CSMD3: variants seen among roughly 807,000 people sequenced by gnomAD.
The protein encoded by CSMD3 is CUB and sushi domain-containing protein 3.
In CSMD3, 177 loss-of-function variants were observed where a neutral mutation model predicts 435.2. The observed-to-expected ratio is 0.41, with a 90% CI of 0.36 to 0.46. CSMD3 has a LOEUF of 0.46. Ranked by LOEUF, CSMD3 falls within the 20% of genes least tolerant of loss-of-function variation. The pLI, the probability that CSMD3 is intolerant of heterozygous loss-of-function variation, is 0.34. For missense variants in CSMD3, 4,265 were observed against 4,504.6 expected, an observed-to-expected ratio of 0.95 and a Z score of 1.52; for synonymous variants, 1,656 against 1,520.5, an observed-to-expected ratio of 1.09 and a Z score of -2.07.
At chr8:112,584,415 G>C (rs1197675460) in intron 23 of CSMD3, among the ~76,000 whole-genome samples, 2 of 151,700 alleles carry the variant, frequency 1.3e-5, no homozygotes, top group African/African-American at 2.4e-5. Context: ...TTTAAATAAA[G>C]TTGTTTATAG....
intron 5 of CSMD3, among the ~76,000 whole-genome samples, chr8:113,041,833 T>C (rs1298810602): frequency 2.0e-5 from 3 of 152,180 alleles, no homozygotes; most frequent in African/African-American, 7.2e-5. Flanking sequence ...TTGCTTCTGT[T>C]TTATACATTA....
chr8:113,409,282 A>G (rs990486062), intron 1 of CSMD3, among the ~76,000 whole-genome samples: 99 of 151,284 alleles, frequency 6.5e-4, no homozygotes, highest in Admixed American at 1.3e-3. Flanking sequence ...ACAGGGTTTC[A>G]CCATGTTGGT....
chr8:112,333,021 T>C (rs1464969378), intron 45 of CSMD3, among the ~76,000 whole-genome samples: 1 of 152,202 alleles, frequency 6.6e-6, no homozygotes, highest in Non-Finnish European at 1.5e-5. Flanking sequence ...AAATTATACA[T>C]ATATAATATG....
intron 10 of CSMD3, among the ~76,000 whole-genome samples, chr8:112,897,539 A>T (rs1465772684): frequency 6.6e-6 from 1 of 150,802 alleles, no homozygotes; most frequent in African/African-American, 2.4e-5. Context: ...GCTGATAAAG[A>T]ACTCAGAAAA....
At chr8:112,385,997 A>G (rs1829913168) in intron 36 of CSMD3, among the ~76,000 whole-genome samples, 2 of 152,122 alleles carry the variant, frequency 1.3e-5, no homozygotes, top group South Asian at 4.1e-4. Flanking sequence ...GAGAAAGGGG[A>G]AAAGAGGCCA....
chr8:112,278,559 T>C (rs1463207499), intron 59 of CSMD3, among the ~76,000 whole-genome samples: 1 of 152,074 alleles, frequency 6.6e-6, no homozygotes, highest in African/African-American at 2.4e-5. Context: ...TCTATGACTA[T>C]TGGTTATGTG....
intron 32 of CSMD3, among the ~76,000 whole-genome samples, chr8:112,437,885 T>G (rs991024835): frequency 6.6e-6 from 1 of 152,092 alleles, no homozygotes; most frequent in Admixed American, 6.6e-5. Flanking sequence ...ACGTCAGCGA[T>G]GTCTCTCTCC....
intron 13 of CSMD3, among the ~76,000 whole-genome samples, chr8:112,709,583 AAG>A (rs1351879333): frequency 1.3e-5 from 2 of 152,100 alleles, no homozygotes; most frequent in Non-Finnish European, 1.5e-5. Context: ...TGAGAAAGAA[AAG>A]AGTTTTATAA....
At chr8:112,275,925 C>T (rs1817995586) in intron 59 of CSMD3, among the ~76,000 whole-genome samples, 1 of 152,190 alleles carries the variant, frequency 6.6e-6, no homozygotes, top group African/African-American at 2.4e-5. Flanking sequence ...ATCATGCCTT[C>T]CCAATAGTTC....
At chr8:113,035,942 C>A (rs1329418116) in intron 5 of CSMD3, among the ~76,000 whole-genome samples, 1 of 151,932 alleles carries the variant, frequency 6.6e-6, no homozygotes, top group Non-Finnish European at 1.5e-5. Flanking sequence ...CCCATAATTG[C>A]ATTCTCAATA....
intron 30 of CSMD3, among the ~76,000 whole-genome samples, chr8:112,496,025 A>C (rs1193232454): frequency 6.6e-6 from 1 of 152,112 alleles, no homozygotes; most frequent in Non-Finnish European, 1.5e-5. Context: ...GCTGGAGTGT[A>C]GTGGTGCGAT....
chr8:112,610,197 T>C (rs1465232541), intron 22 of CSMD3, among the ~76,000 whole-genome samples: 1 of 152,140 alleles, frequency 6.6e-6, no homozygotes, highest in Admixed American at 6.6e-5. Flanking sequence ...AGTGTAACTA[T>C]GTGAGGGGAT....
At chr8:112,585,969 T>G (rs75542559) in intron 23 of CSMD3, among the ~76,000 whole-genome samples, 2,959 of 151,746 alleles carry the variant, frequency 0.019, 37 homozygotes, top group Non-Finnish European at 0.03. Context: ...TAGTGAATTT[T>G]GTTGCCAGTT....
In CSMD3 at chr8:113,289,928, C is replaced by CACCCACT. The variant is rs917172468; in HGVS notation, c.402-11231_402-11225dup. 4.6e-5 allele frequency among the ~76,000 whole-genome samples: 7 copies of CACCCACT among 151,758 alleles called. 1 individual carries two copies. ...TTCCCAGAAAGGTAATATTAATTAG[C>CACCCACT]ACCCACTCTCGGTTTTAGCAAAACA... On this transcript the variant is annotated intron_variant, in intron 2 of 70. Transcript: ENST00000297405.
chr8:113,425,211 C>T (rs1476493155), intron 1 of CSMD3, among the ~76,000 whole-genome samples: 1 of 151,254 alleles, frequency 6.6e-6, no homozygotes, highest in Admixed American at 6.6e-5. Context: ...TATGTCAATC[C>T]CATAATATTC....
chr8:113,193,308 T>C (rs572309311), intron 3 of CSMD3, among the ~76,000 whole-genome samples: 1 of 151,510 alleles, frequency 6.6e-6, no homozygotes, highest in South Asian at 2.1e-4. Context: ...CCTAGTTGCA[T>C]GTTTTTGGTC....
intron 1 of CSMD3, among the ~76,000 whole-genome samples, chr8:113,391,499 A>G (rs1473916722): frequency 6.6e-6 from 1 of 152,172 alleles, no homozygotes; most frequent in East Asian, 1.9e-4. Flanking sequence ...CATAACTGTG[A>G]CAATGCATAG....
chr8:113,378,392 G>A (rs920018687), intron 1 of CSMD3, among the ~76,000 whole-genome samples: 1 of 152,150 alleles, frequency 6.6e-6, no homozygotes, highest in Non-Finnish European at 1.5e-5. Context: ...CTTGTTTAGA[G>A]ATATAGTCTA....
chr8:112,241,296 T>G (rs565516139), intron 66 of CSMD3, among the ~76,000 whole-genome samples: 1 of 152,198 alleles, frequency 6.6e-6, no homozygotes, highest in Non-Finnish European at 1.5e-5. Flanking sequence ...TCTAATTTGC[T>G]TTTTAAATCA....
Sources: gnomAD v4.1 joint callset for allele counts (sites outside exome capture counted in the v4.1 genomes callset) on GRCh38, gnomAD v4.1.1 for gene constraint, MANE v1.5 for transcripts, NCBI Gene and HGNC (gene_info 2026-07-23, HGNC 2026-07-21) for gene names.